Variants in ROBO2 observed in about 807,000 individuals in gnomAD.
ROBO2 encodes the protein roundabout homolog 2.
In ROBO2, 53 loss-of-function variants were observed where a neutral mutation model predicts 160.8. The ratio of observed to expected loss-of-function variants is 0.33; its 90% confidence interval spans 0.26 to 0.41. ROBO2 has a LOEUF of 0.41. Ranked by LOEUF, ROBO2 falls within the 10% of genes least tolerant of loss-of-function variation. The pLI is 1.00. For synonymous variants in ROBO2, 664 were observed against 611.7 expected, an observed-to-expected ratio of 1.09 and a Z score of -1.26; for missense variants, 1,577 against 1,722.4, an observed-to-expected ratio of 0.92 and a Z score of 1.49.
chr3:77,070,233 GAAAC>G (rs1182621654), intron 1 of ROBO2, among the ~76,000 whole-genome samples: 1 of 152,088 alleles, frequency 6.6e-6, no homozygotes, highest in Non-Finnish European at 1.5e-5. Flanking sequence ...CCAGAAGTGT[GAAAC>G]AATAAATTTT....
At chr3:76,867,736 T>C (rs900954201) in intron 2 of ROBO2, among the ~76,000 whole-genome samples, 3 of 152,336 alleles carry the variant, frequency 2.0e-5, no homozygotes, top group Admixed American at 6.5e-5. Context: ...TTGTTGATTC[T>C]CTCCTCGAAA....
intron 2 of ROBO2, among the ~76,000 whole-genome samples, chr3:76,339,178 A>G (rs1261345128): frequency 6.6e-6 from 1 of 152,092 alleles, no homozygotes; most frequent in African/African-American, 2.4e-5. Context: ...CTGGATTTTT[A>G]TGATCTGAAT....
chr3:75,971,062 T>A (rs1007003005), intron 2 of ROBO2, among the ~76,000 whole-genome samples: 9 of 151,298 alleles, frequency 5.9e-5, no homozygotes, highest in Admixed American at 2.6e-4. Flanking sequence ...AAAAAAAAAA[T>A]TTACTTTTTT....
At chr3:76,423,330 A>G (rs2076073203) in intron 2 of ROBO2, among the ~76,000 whole-genome samples, 1 of 152,142 alleles carries the variant, frequency 6.6e-6, no homozygotes, top group Non-Finnish European at 1.5e-5. Context: ...CCAAACATAA[A>G]CAGAACATTT....
rs750646116 is a variant in ROBO2, at chr3:76,353,871, G to A, written c.109+416269G>A. 1.1e-4 allele frequency among the ~76,000 whole-genome samples: 16 copies of A among 151,916 alleles called. No individual in the cohort carries two copies. In the South Asian group the frequency reaches 1.2e-3, roughly 12 times the overall value. ...ACAGAGACTTTCTTTGCATAACAAC[G>A]TCTGGGGCATTTGCAAATCTCAGCT... On this transcript the variant is annotated intron_variant, in intron 2 of 26. Transcript: ENST00000487694.
At chr3:76,126,685 T>C (rs1270380099) in intron 2 of ROBO2, among the ~76,000 whole-genome samples, 3 of 152,126 alleles carry the variant, frequency 2.0e-5, no homozygotes, top group African/African-American at 4.8e-5. Flanking sequence ...TCCTATATTC[T>C]ATGGAATTAG....
intron 2 of ROBO2, among the ~76,000 whole-genome samples, chr3:76,499,589 T>C (rs1180058950): frequency 2.0e-5 from 3 of 152,224 alleles, no homozygotes; most frequent in Non-Finnish European, 2.9e-5. Flanking sequence ...TCAGTCTCTT[T>C]TGAGATCTTT....
chr3:76,762,885 G>T (rs991653084), intron 2 of ROBO2, among the ~76,000 whole-genome samples: 1 of 151,690 alleles, frequency 6.6e-6, no homozygotes, highest in South Asian at 2.1e-4. Context: ...CAATGACAAA[G>T]TGTAACATTT....
At chr3:76,293,308 T>G (rs1402717683) in intron 2 of ROBO2, among the ~76,000 whole-genome samples, 1 of 152,202 alleles carries the variant, frequency 6.6e-6, no homozygotes, top group Non-Finnish European at 1.5e-5. Flanking sequence ...AACATTTTCA[T>G]CAAGGAACTG....
intron 2 of ROBO2, among the ~76,000 whole-genome samples, chr3:76,788,443 A>G (rs10049018): frequency 0.01 from 1,547 of 151,564 alleles, 22 homozygotes; most frequent in African/African-American, 0.034. Flanking sequence ...AAGAAAAACT[A>G]GGCCTCAGGG....
chr3:76,522,432 AATG>A (rs2081678207), intron 2 of ROBO2, among the ~76,000 whole-genome samples: 1 of 152,176 alleles, frequency 6.6e-6, no homozygotes, highest in Admixed American at 6.5e-5. Flanking sequence ...GCTGACCAAA[AATG>A]AGAATCAAGG....
chr3:76,611,143 G>A (rs879425200), intron 2 of ROBO2, among the ~76,000 whole-genome samples: 2 of 152,120 alleles, frequency 1.3e-5, no homozygotes, highest in African/African-American at 4.8e-5. Flanking sequence ...GAGAGAGAGA[G>A]GGTAGGACGG....
intron 1 of ROBO2, among the ~76,000 whole-genome samples, chr3:77,071,049 A>G (rs903643954): frequency 6.6e-6 from 1 of 152,194 alleles, no homozygotes; most frequent in African/African-American, 2.4e-5. Flanking sequence ...TATGAGTACC[A>G]GCAGACTAAG....
chr3:76,061,017 C>G (rs916973631), intron 2 of ROBO2, among the ~76,000 whole-genome samples: 3 of 152,092 alleles, frequency 2.0e-5, no homozygotes, highest in Non-Finnish European at 2.9e-5. Flanking sequence ...AAACTCCACT[C>G]GATTTCAGGA....
At chr3:77,009,536 A>G (rs2061754954) in intron 2 of ROBO2, among the ~76,000 whole-genome samples, 1 of 152,202 alleles carries the variant, frequency 6.6e-6, no homozygotes, top group African/African-American at 2.4e-5. Context: ...TATGATGTTC[A>G]TAACATTTTC....
intron 2 of ROBO2, among the ~76,000 whole-genome samples, chr3:77,219,973 A>G (rs749174672): frequency 1.4e-4 from 21 of 151,770 alleles, no homozygotes; most frequent in East Asian, 3.9e-4. Context: ...TGTTCAGAAC[A>G]TGGCTTCAGA....
chr3:76,719,188 C>T (rs1218137679), intron 2 of ROBO2, among the ~76,000 whole-genome samples: 1 of 152,184 alleles, frequency 6.6e-6, no homozygotes, highest in Non-Finnish European at 1.5e-5. Context: ...ACAACAGAAA[C>T]TGTGCACCTT....
At chr3:76,930,097 C>A (rs1325026313) in intron 2 of ROBO2, among the ~76,000 whole-genome samples, 10 of 152,146 alleles carry the variant, frequency 6.6e-5, no homozygotes, top group African/African-American at 9.7e-5. Context: ...GATCTCAGCT[C>A]ACTACAATCT....
At chr3:76,600,239 T>C (rs2087034464) in intron 2 of ROBO2, among the ~76,000 whole-genome samples, 1 of 152,212 alleles carries the variant, frequency 6.6e-6, no homozygotes, top group African/African-American at 2.4e-5. Flanking sequence ...AAGGAAGGGG[T>C]CCAGTTTCAA....
Sources: gnomAD v4.1 joint callset for allele counts (sites outside exome capture counted in the v4.1 genomes callset) on GRCh38, gnomAD v4.1.1 for gene constraint, MANE v1.5 for transcripts, NCBI Gene and HGNC (gene_info 2026-07-23, HGNC 2026-07-21) for gene names.